Variants in BBX observed in about 807,000 individuals in gnomAD.
BBX encodes HMG box transcription factor BBX.
BBX carries 30 observed loss-of-function variants against 100.2 expected under a neutral mutation model. That is an observed-to-expected ratio of 0.30 (90% CI 0.22 to 0.41). The LOEUF is 0.41. BBX is among the 10% of genes least tolerant of loss of function. The pLI, the probability that BBX is intolerant of heterozygous loss-of-function variation, is 1.00. For synonymous variants in BBX, 376 were observed against 388.1 expected (o/e 0.97, Z 0.37); for missense variants, 1,023 against 1,129.8 (o/e 0.91, Z 1.35).
At chr3:107,598,194 G>A (rs1273146517) in intron 2 of BBX, among the ~76,000 whole-genome samples, 1 of 152,082 alleles carries the variant, frequency 6.6e-6, no homozygotes, top group African/African-American at 2.4e-5. Flanking sequence ...ATTTCTAGGG[G>A]GTGTGTGTGT....
chr3:107,641,377 G>A (rs1174069652), intron 2 of BBX, among the ~76,000 whole-genome samples: 1 of 152,114 alleles, frequency 6.6e-6, no homozygotes, highest in East Asian at 1.9e-4. Flanking sequence ...CAGCCACCAA[G>A]CCTTGCCGGT....
rs1314897171 is a variant in BBX at position 107,756,387 on chromosome 3, T to G, written c.906+709T>G. ...TTCTAGTAGCAGTTTTCTCTGTTGG[T>G]AAGATAAATTAGGAGGTAGAAAGTG... On this transcript the variant is annotated intron_variant, in intron 10 of 17. Transcript: ENST00000325805. 2.0e-5 allele frequency among the ~76,000 whole-genome samples: 3 copies of G among 152,178 alleles called. No homozygotes were observed. The South Asian group carries it at 6.2e-4, about 32-fold the overall frequency.
intron 10 of BBX, among the ~76,000 whole-genome samples, chr3:107,764,662 G>A (rs758822043): frequency 2.6e-5 from 4 of 152,138 alleles, no homozygotes; most frequent in Non-Finnish European, 5.9e-5. Flanking sequence ...TTTTAAAAAG[G>A]TTATTGTCCA....
chr3:107,778,999 A>ATATATATATATATATATATATATATG (rs2067572994), intron 13 of BBX, among the ~76,000 whole-genome samples: 1 of 68,476 alleles, frequency 1.5e-5, no homozygotes, highest in African/African-American at 4.5e-5. Context: ...AGCAACATAT[A>ATATATATATATATATATATATATATG]TATATATATA....
intron 3 of BBX, chr3:107,659,883 C>A: frequency 4.0e-6 from 2 of 500,706 alleles, no homozygotes; most frequent in Non-Finnish European, 6.3e-6. Context: ...TTAAGAGGGA[C>A]GTATAATATG....
At chr3:107,620,765 T>C (rs2055686148) in intron 2 of BBX, among the ~76,000 whole-genome samples, 1 of 152,140 alleles carries the variant, frequency 6.6e-6, no homozygotes, top group South Asian at 2.1e-4. Flanking sequence ...ATACTATGGA[T>C]GTAGAGGTGG....
At chr3:107,790,481 C>A (rs1353224743) in intron 14 of BBX, among the ~76,000 whole-genome samples, 1 of 152,122 alleles carries the variant, frequency 6.6e-6, no homozygotes, top group East Asian at 1.9e-4. Flanking sequence ...CCTCTTTACT[C>A]GGAACGTCTG....
At chr3:107,588,193 T>C (rs2053010497) in intron 2 of BBX, among the ~76,000 whole-genome samples, 1 of 152,130 alleles carries the variant, frequency 6.6e-6, no homozygotes, top group Non-Finnish European at 1.5e-5. Flanking sequence ...TGACTGAAGG[T>C]TCTGCTTGGT....
intron 2 of BBX, among the ~76,000 whole-genome samples, chr3:107,598,741 C>G (rs1161347086): frequency 6.6e-6 from 1 of 152,212 alleles, no homozygotes; most frequent in Non-Finnish European, 1.5e-5. Flanking sequence ...TTTGCTACAT[C>G]ACACCTTCTG....
intron 2 of BBX, among the ~76,000 whole-genome samples, chr3:107,640,030 A>C (rs1214536509): frequency 6.6e-6 from 1 of 152,182 alleles, no homozygotes; most frequent in East Asian, 1.9e-4. Context: ...TTTATTGAGC[A>C]CTTATTGTAT....
At chr3:107,617,509 CTG>C (rs1216665459) in intron 2 of BBX, among the ~76,000 whole-genome samples, 2 of 152,112 alleles carry the variant, frequency 1.3e-5, no homozygotes, top group Non-Finnish European at 2.9e-5. Flanking sequence ...TTCATGAACA[CTG>C]TATGTCTCTT....
At chr3:107,558,763 G>C (rs144013167) in intron 2 of BBX, among the ~76,000 whole-genome samples, 4 of 152,114 alleles carry the variant, frequency 2.6e-5, no homozygotes, top group African/African-American at 9.7e-5. Flanking sequence ...CTAGTAGTGG[G>C]ATTTGAATTC....
chr3:107,737,884 G>GTTTTTTTTTTTTTTTTTTTTTTTT (rs1156396951), intron 7 of BBX, among the ~76,000 whole-genome samples: 1 of 48,886 alleles, frequency 2.0e-5, no homozygotes, highest in African/African-American at 8.9e-5. Context: ...CAGAGTTCCA[G>GTTTTTTTTTTTTTTTTTTTTTTTT]TTTTTTTTTT....
chr3:107,734,845 A>C (rs2063540528), intron 7 of BBX, among the ~76,000 whole-genome samples: 1 of 152,122 alleles, frequency 6.6e-6, no homozygotes, highest in African/African-American at 2.4e-5. Context: ...GTTTTGACAC[A>C]TGCAACTCAA....
intron 2 of BBX, among the ~76,000 whole-genome samples, chr3:107,532,661 G>A (rs2048240310): frequency 6.6e-6 from 1 of 152,144 alleles, no homozygotes; most frequent in African/African-American, 2.4e-5. Flanking sequence ...AGAAAATACA[G>A]AAGACTACAG....
At chr3:107,614,117 A>G (rs2055069932) in intron 2 of BBX, among the ~76,000 whole-genome samples, 1 of 151,844 alleles carries the variant, frequency 6.6e-6, no homozygotes, top group Admixed American at 6.6e-5. Context: ...ACGACCAGCT[A>G]ATTTTTGTAT....
At chr3:107,710,246 A>G (rs766899282) in intron 3 of BBX, among the ~76,000 whole-genome samples, 10 of 152,374 alleles carry the variant, frequency 6.6e-5, no homozygotes, top group African/African-American at 2.4e-4. Flanking sequence ...ACTAAAATGA[A>G]TGTTTCATTA....
In BBX at chr3:107,578,561, G is replaced by A. The variant is rs531588272; in HGVS notation, c.-84+52163G>A. On this transcript the variant is annotated intron_variant, in intron 2 of 17. Transcript: ENST00000325805. ...ATATTTGAAAAATAGTAGCATCTACGCTTGCCTTCCTTCCAATTTTCCAGA... is the reference window on the plus strand; with the variant it reads ...ATATTTGAAAAATAGTAGCATCTACACTTGCCTTCCTTCCAATTTTCCAGA... 4.6e-5 allele frequency among the ~76,000 whole-genome samples: 7 copies of A among 152,252 alleles called. No homozygotes were observed. In the East Asian group the frequency reaches 5.8e-4, roughly 13 times the overall value.
chr3:107,737,964 G>C (rs1424090759), intron 7 of BBX, among the ~76,000 whole-genome samples: 2 of 116,176 alleles, frequency 1.7e-5, no homozygotes, highest in African/African-American at 6.5e-5. Flanking sequence ...CCAAAAAATT[G>C]AGATCTGAAA....
Sources: gnomAD v4.1 joint callset for allele counts (sites outside exome capture counted in the v4.1 genomes callset) on GRCh38, gnomAD v4.1.1 for gene constraint, MANE v1.5 for transcripts, NCBI Gene and HGNC (gene_info 2026-07-23, HGNC 2026-07-21) for gene names.